Variants in ZW10 observed in about 807,000 individuals in gnomAD.
ZW10 encodes zw10 kinetochore protein.
Under a neutral mutation model 87.8 loss-of-function variants are expected in ZW10, and 53 were observed. That is an observed-to-expected ratio of 0.60 (90% CI 0.48 to 0.76). The LOEUF is 0.76. Ranked by LOEUF, ZW10 falls within the 30% of genes least tolerant of loss-of-function variation. The pLI is 0.00. For synonymous variants in ZW10, 312 were observed against 329.2 expected, an observed-to-expected ratio of 0.95 and a Z score of 0.57; for missense variants, 837 against 923.0, an observed-to-expected ratio of 0.91 and a Z score of 1.21.
At position 113,744,156 on chromosome 11, in the gene ZW10, G is replaced by A. The variant is rs1353879960; in HGVS notation, c.1273-116C>T. On this transcript the variant is annotated intron_variant, in intron 9 of 15. Coordinates refer to ENST00000200135, the MANE Select transcript of ZW10 (RefSeq NM_004724.4). ...TAATCCCAGCACTTTGGGAGGCCGA[G>A]GCGGGCAGATCACGAGGTCAGGAGA... 5 of 768,618 alleles carry A rather than the reference G, an allele frequency of 6.5e-6. No homozygotes were observed. The African/African-American group carries it at 7.0e-5, about 11-fold the overall frequency. The allele number at this position is 768,618 out of a possible 1,614,324, so 47.6% of individuals were successfully genotyped here.
intron 2 of ZW10, 95 bp downstream of exon 2, chr11:113,768,738 G>T: frequency 7.7e-7 from 1 of 1,295,922 alleles, no homozygotes; most frequent in Non-Finnish European, 1.1e-6. Flanking sequence ...AGAAAAGTGA[G>T]GGTTTAAAAA....
intron 14 of ZW10, among the ~76,000 whole-genome samples, chr11:113,737,349 A>G (rs935493894): frequency 2.0e-5 from 3 of 152,296 alleles, no homozygotes; most frequent in Admixed American, 2.0e-4. Flanking sequence ...TTCCTCATTT[A>G]TAATCTAGAT....
rs765990213 is a variant in ZW10 at position 113,760,531 on chromosome 11, A to C, written c.402T>G (p.Gly134=). 3.7e-6 allele frequency: 6 copies of C among 1,613,944 alleles called. No homozygotes were observed. Among genetic ancestry groups the C allele is most frequent in the Non-Finnish European group, 5.1e-6 (6 of 1,179,930 alleles). ...CALTEKKYVT[G]AQRLEEAQKC... ...TTAGTACCTCTTCCAGACGCTGAGC[A>C]CCAGTGACATACTTCTTCTCTGTTA... Residue 134 remains glycine, a synonymous_variant, in exon 4 of 16, where the codon GGT becomes GGG. Coordinates refer to ENST00000200135, the MANE Select transcript of ZW10 (RefSeq NM_004724.4).
chr11:113,742,486 A>T (rs1238500036), intron 10 of ZW10, among the ~76,000 whole-genome samples: 1 of 152,142 alleles, frequency 6.6e-6, no homozygotes, highest in African/African-American at 2.4e-5. Flanking sequence ...AAATTATTTC[A>T]TTTTCGCTGC....
intron 2 of ZW10, among the ~76,000 whole-genome samples, chr11:113,766,673 C>CA (rs34081366): frequency 0.3 from 7,843 of 25,968 alleles, 943 homozygotes; most frequent in Non-Finnish European, 0.4. Flanking sequence ...GACTCCATCT[C>CA]AAAAAAAAAA....
chr11:113,743,095 A>G (rs1953639971), intron 10 of ZW10, among the ~76,000 whole-genome samples: 1 of 152,226 alleles, frequency 6.6e-6, no homozygotes, highest in Non-Finnish European at 1.5e-5. Flanking sequence ...GAAGAAGCTT[A>G]TTGAACAAAA....
rs774588524 is a variant in ZW10, at chr11:113,760,582, A to G, written c.351T>C (p.Thr117=). ...ATGCACAATTATATTCTTCAATAGC[A>G]GTGGAAAACTGAAAAGTTAAGTATA... The part of the protein sequence containing the change: ...SLLKQLQEFS[T]AIEEYNCALT... The change falls in exon 4 of 16, where the codon ACT becomes ACC. Residue 117 remains threonine (T), a synonymous_variant. Coordinates refer to ENST00000200135, the MANE Select transcript of ZW10 (RefSeq NM_004724.4). The G allele has an allele frequency of 6.2e-7, 1 of 1,610,882 alleles. No individual in the cohort carries two copies. Among genetic ancestry groups the G allele is most frequent in the Non-Finnish European group, 8.5e-7 (1 of 1,177,884 alleles).
At chr11:113,758,808 TACA>T in intron 5 of ZW10, 102 bp from the exon 6 acceptor site, 1 of 1,093,900 alleles carries the variant, frequency 9.1e-7, no homozygotes, top group Non-Finnish European at 1.3e-6. Flanking sequence ...GCAGTTCTAT[TACA>T]ATATACTCCT....
At chr11:113,750,389 C>T (rs1489409465) in intron 7 of ZW10, among the ~76,000 whole-genome samples, 5 of 152,042 alleles carry the variant, frequency 3.3e-5, no homozygotes, top group East Asian at 3.9e-4. Flanking sequence ...CTGCAACCTC[C>T]GCCTCCTGGG....
chr11:113,755,682 C>G (rs2134884942), intron 7 of ZW10, among the ~76,000 whole-genome samples: 1 of 152,306 alleles, frequency 6.6e-6, no homozygotes, highest in Admixed American at 6.5e-5. Context: ...AACAGCACTG[C>G]ATGCTACTGA....
intron 2 of ZW10, among the ~76,000 whole-genome samples, chr11:113,763,480 C>T (rs1256102362): frequency 1.3e-5 from 2 of 152,224 alleles, no homozygotes; most frequent in Non-Finnish European, 2.9e-5. Flanking sequence ...TACATTCCCA[C>T]CAACAGTGTA....
intron 3 of ZW10, 84 bp downstream of exon 3, chr11:113,760,733 A>T (rs760761965): frequency 3.7e-6 from 5 of 1,341,408 alleles, no homozygotes; most frequent in Non-Finnish European, 4.1e-6. Context: ...AAGACAAAAA[A>T]ACCCATTATA....
chr11:113,753,984 A>G (rs1953758027), intron 7 of ZW10, among the ~76,000 whole-genome samples: 1 of 152,214 alleles, frequency 6.6e-6, no homozygotes, highest in South Asian at 2.1e-4. Context: ...AGCTAAGATA[A>G]CCGACAAAGG....
At chr11:113,749,803 T>TA (rs1953716789) in intron 7 of ZW10, among the ~76,000 whole-genome samples, 1 of 152,222 alleles carries the variant, frequency 6.6e-6, no homozygotes, top group African/African-American at 2.4e-5. Context: ...CTGCATCACA[T>TA]ATTACTGTTG....
intron 15 of ZW10, among the ~76,000 whole-genome samples, chr11:113,734,574 G>A (rs1301269507): frequency 2.0e-5 from 3 of 152,144 alleles, no homozygotes; most frequent in Non-Finnish European, 4.4e-5. Context: ...GGAGGCCGAG[G>A]AAGGCAGATC....
In ZW10 at chr11:113,773,589, G is replaced by A. The variant is rs201912778; in HGVS notation, c.78C>T (p.Arg26=). The A allele has an allele frequency of 6.6e-5, 107 of 1,613,856 alleles. No homozygotes were observed. In the African/African-American group the frequency reaches 1.1e-3, roughly 16 times the overall value. Residue 26 remains arginine (R), a synonymous_variant, in exon 1 of 16, where the codon CGC becomes CGT. Transcript: ENST00000200135. ...TGATCTCCTCCACCCGCCGGGTCAG[G>A]CGGCTGATCCGGGTCCCCAGATCCT... ...EKEDLGTRIS[R]LTRRVEEIKG...
intron 2 of ZW10, among the ~76,000 whole-genome samples, chr11:113,762,605 C>A (rs1030800461): frequency 6.6e-6 from 1 of 151,888 alleles, no homozygotes; most frequent in Non-Finnish European, 1.5e-5. Flanking sequence ...GCAACCTCCA[C>A]CTCCCAGGTT....
At chr11:113,741,149 CTTTGT>C (rs1953613540) in intron 11 of ZW10, among the ~76,000 whole-genome samples, 1 of 147,224 alleles carries the variant, frequency 6.8e-6, no homozygotes, top group African/African-American at 2.5e-5. Flanking sequence ...TTTTTTGTTT[CTTTGT>C]TTTAATTAGA....
chr11:113,753,591 A>G (rs966744803), intron 7 of ZW10, among the ~76,000 whole-genome samples: 1 of 152,196 alleles, frequency 6.6e-6, no homozygotes. Context: ...TTTTAAGTAG[A>G]GACAGGGTTT....
Sources: gnomAD v4.1 joint callset for allele counts (sites outside exome capture counted in the v4.1 genomes callset) on GRCh38, gnomAD v4.1.1 for gene constraint, MANE v1.5 for transcripts, NCBI Gene and HGNC (gene_info 2026-07-23, HGNC 2026-07-21) for gene names.